The following SLC25A32 variants were observed in gnomAD, a reference collection of about 807,000 sequenced individuals.
SLC25A32 encodes Glycine auxotroph B, complementation of hamster.
In SLC25A32, 32 loss-of-function variants were observed where a neutral mutation model predicts 39.0. That is an observed-to-expected ratio of 0.82 (90% confidence interval 0.62 to 1.10). The LOEUF (loss-of-function observed/expected upper bound fraction) is 1.10, where lower values mean the gene tolerates loss of function less well. Among genes scored for constraint, SLC25A32 ranks in the 50% least tolerant of loss-of-function variants. SLC25A32 has a pLI of 0.00. For missense variants in SLC25A32, 367 were observed against 395.3 expected, an observed-to-expected ratio of 0.93 and a Z score of 0.61; for synonymous variants, 166 against 152.4, an observed-to-expected ratio of 1.09 and a Z score of -0.66.
At chr8:103,414,695 C>T in intron 1 of SLC25A32, 89 bp downstream of exon 1, 1 of 1,559,330 alleles carries the variant, frequency 6.4e-7, no homozygotes, top group Non-Finnish European at 8.7e-7. Flanking sequence ...CTTCAACGCT[C>T]CTCCTCCCCC....
chr8:103,401,300 C>G (rs568934841), intron 6 of SLC25A32, among the ~76,000 whole-genome samples: 3 of 143,068 alleles, frequency 2.1e-5, no homozygotes, highest in Non-Finnish European at 4.6e-5. Context: ...TTATAACAAC[C>G]TATTAGTTAG....
At chr8:103,414,188 T>C (rs953281781) in intron 1 of SLC25A32, among the ~76,000 whole-genome samples, 2 of 152,266 alleles carry the variant, frequency 1.3e-5, no homozygotes, top group African/African-American at 4.8e-5. Flanking sequence ...TTCCAGACTT[T>C]AGTGTTGAGT....
chr8:103,414,748 G>GA (rs768543989), intron 1 of SLC25A32, 36 bp downstream of exon 1: 21 of 1,612,428 alleles, frequency 1.3e-5, no homozygotes, highest in Admixed American at 1.2e-4. Flanking sequence ...GGCTGACAGT[G>GA]AGAGGATGCA....
At chr8:103,412,880 G>A (rs1370275814) in intron 1 of SLC25A32, among the ~76,000 whole-genome samples, 3 of 152,122 alleles carry the variant, frequency 2.0e-5, no homozygotes, top group Non-Finnish European at 4.4e-5. Flanking sequence ...TATTAAATGA[G>A]TTTAATTACA....
chr8:103,414,820 G>A lies in SLC25A32; in HGVS notation c.118C>T (p.Leu40=), dbSNP rs369791895. ...ATCTTCACGAGGTCGAGCGGATGCA[G>A]CGCAAGGTTGGATAAGACGCCGCCG... ...VSGGVLSNLA[L]HPLDLVKIRF... The change falls in exon 1 of 7, where the codon CTG becomes TTG. Residue 40 remains leucine, a synonymous_variant. Transcript: ENST00000297578. 2.5e-6 allele frequency: 4 copies of A among 1,613,832 alleles called. No individual in the cohort carries two copies. In the African/African-American group the frequency reaches 5.3e-5, roughly 21 times the overall value.
intron 2 of SLC25A32, among the ~76,000 whole-genome samples, chr8:103,405,712 G>A (rs1330331190): frequency 6.6e-6 from 1 of 151,840 alleles, no homozygotes; most frequent in Admixed American, 6.6e-5. Flanking sequence ...CCAGGCTGGA[G>A]TGCAGTGACA....
rs1816191353 is a variant in SLC25A32, at chr8:103,400,395, A to G, written c.*16T>C. 1 of 1,613,890 alleles carries G rather than the reference A, an allele frequency of 6.2e-7. No homozygotes were observed. The highest frequency in any genetic ancestry group is 1.7e-5 in the Admixed American group (1 of 59,974). On this transcript the variant is annotated 3_prime_UTR_variant, in exon 7 of 7. Coordinates refer to ENST00000297578, the MANE Select transcript of SLC25A32 (RefSeq NM_030780.5). ...TGCTGCCTTGGGCAGATATACTGGAATTGTCCTCTTTGAGCTTACTTTCTC... is the reference window on the plus strand; with the variant it reads ...TGCTGCCTTGGGCAGATATACTGGAGTTGTCCTCTTTGAGCTTACTTTCTC...
intron 1 of SLC25A32, among the ~76,000 whole-genome samples, chr8:103,414,261 T>C (rs1203405194): frequency 1.3e-5 from 2 of 152,206 alleles, no homozygotes; most frequent in African/African-American, 4.8e-5. Context: ...CTTAAAATAG[T>C]ATTTCGATTC....
Position 103,402,025 on chromosome 8 carries a change from C to T in SLC25A32, c.582G>A (p.Ser194=), listed in dbSNP as rs532840503. The T allele has an allele frequency of 1.6e-5, 26 of 1,612,382 alleles. No individual in the cohort carries two copies. In the East Asian group the frequency reaches 2.0e-4, roughly 12 times the overall value. Residue 194 remains serine, a synonymous_variant, in exon 5 of 7, where the codon TCG becomes TCA. Transcript: ENST00000297578. ...ATGCCATAAACTGAAGGGCACCATG[C>T]GATGTTCCAAACAGCCCAGGAACAA... ...KGFVPGLFGT[S]HGALQFMAYE...
chr8:103,402,174 A>G, intron 4 of SLC25A32, 120 bp from the exon 5 acceptor site: 2 of 622,722 alleles, frequency 3.2e-6, no homozygotes, highest in Non-Finnish European at 5.4e-6. Context: ...TTAATTTTGC[A>G]CAAATCACAT....
Position 103,404,954 on chromosome 8 carries a change from A to G in SLC25A32, c.306-93T>C, listed in dbSNP as rs72675452. 2,148 of 758,142 alleles carry G rather than the reference A, an allele frequency of 2.8e-3. 2 individuals carry two copies. The highest frequency in any genetic ancestry group is 4.3e-3 in the Non-Finnish European group (1,995 of 465,384). The allele number at this position is 758,142 out of a possible 1,614,324, so 47.0% of individuals were successfully genotyped here. Reference sequence around the variant, plus strand: ...AAGTCAACAGCAGTACCCCAAAAGCACAAGTCAATGCATAATGCAACCACA... The same window carrying G: ...AAGTCAACAGCAGTACCCCAAAAGCGCAAGTCAATGCATAATGCAACCACA... On this transcript the variant is annotated intron_variant, in intron 2 of 6. Transcript: ENST00000297578.
intron 2 of SLC25A32, among the ~76,000 whole-genome samples, chr8:103,406,296 A>T (rs1199907057): frequency 1.3e-5 from 2 of 152,150 alleles, no homozygotes; most frequent in African/African-American, 4.8e-5. Flanking sequence ...TACTGCCATA[A>T]ACTTATGGGA....
chr8:103,411,540 G>C (rs1014913975), intron 1 of SLC25A32, among the ~76,000 whole-genome samples: 3 of 151,964 alleles, frequency 2.0e-5, no homozygotes, highest in Admixed American at 6.6e-5. Context: ...TCTTTCTTAG[G>C]AACCCCTTAA....
intron 1 of SLC25A32, among the ~76,000 whole-genome samples, chr8:103,414,559 G>T (rs572283807): frequency 6.6e-6 from 1 of 152,286 alleles, no homozygotes; most frequent in South Asian, 2.1e-4. Flanking sequence ...TTTTTTCTCA[G>T]ACTTCTCTAC....
intron 4 of SLC25A32, 70 bp downstream of exon 4, chr8:103,403,094 G>A: frequency 8.7e-7 from 1 of 1,154,282 alleles, no homozygotes; most frequent in Non-Finnish European, 1.2e-6. Flanking sequence ...AGGTCATTCA[G>A]AACTAAGACA....
In SLC25A32 at chr8:103,410,344, C is replaced by T. The variant is rs60977629; in HGVS notation, c.155-2560G>A. Among the ~76,000 whole-genome samples, 1,217 of 152,272 alleles carry T rather than the reference C, an allele frequency of 8.0e-3. 18 individuals are homozygous for T. Among genetic ancestry groups the T allele is most frequent in the African/African-American group, 0.028 (1,169 of 41,544 alleles). ...GCAGGTGACCTAGGTGGGCGGAGTA[C>T]GAGCGAAGCTTCATCTGTACTTACA... On this transcript the variant is annotated intron_variant, in intron 1 of 6. Transcript: ENST00000297578.
intron 1 of SLC25A32, among the ~76,000 whole-genome samples, chr8:103,414,208 A>C (rs2130460293): frequency 6.6e-6 from 1 of 152,390 alleles, no homozygotes; most frequent in South Asian, 2.1e-4. Flanking sequence ...TTTAACTTCT[A>C]AAATGCTTTG....
At position 103,404,816 on chromosome 8, in the gene SLC25A32, A is replaced by C; in HGVS notation, c.351T>G (p.Arg117=). 1 of 1,613,464 alleles carries C rather than the reference A, an allele frequency of 6.2e-7. No homozygotes were observed. Among genetic ancestry groups the C allele is most frequent in the South Asian group, 1.1e-5 (1 of 91,038 alleles). The part of the protein sequence containing the change: ...KSYKTEGRAE[R]LEATEYLVSA... ...AGACAAGGTATTCTGTTGCCTCTAA[A>C]CGTTCAGCTCTTCCTTCTGTTTTAT... is the stretch of plus-strand genomic sequence containing the variant. The change falls in exon 3 of 7, where the codon CGT becomes CGG. Residue 117 remains arginine, a synonymous_variant. Coordinates refer to ENST00000297578, the MANE Select transcript of SLC25A32 (RefSeq NM_030780.5).
In SLC25A32 at chr8:103,414,977, G is replaced by A; in HGVS notation, c.-40C>T. On this transcript the variant is annotated 5_prime_UTR_variant, in exon 1 of 7. Transcript: ENST00000297578. ...TCGACACCACGGCGCCCAGGGCCGC[G>A]GAGGTGGGACGCGATGCAGTGGCCG... 6.3e-7 allele frequency: 1 copy of A among 1,581,432 alleles called. No homozygotes were observed. The highest frequency in any genetic ancestry group is 8.6e-7 in the Non-Finnish European group (1 of 1,163,662).
Sources: allele counts gnomAD v4.1 joint callset (sites outside exome capture counted in the v4.1 genomes callset), GRCh38; gene constraint gnomAD v4.1.1; transcripts MANE v1.5; gene names NCBI Gene and HGNC (gene_info 2026-07-23, HGNC 2026-07-21).